The following MDN1 variants were observed in gnomAD, a reference collection of about 807,000 sequenced individuals.
MDN1 encodes the protein midasin.
Under a neutral mutation model 669.2 loss-of-function variants are expected in MDN1, and 266 were observed. The ratio of observed to expected loss-of-function variants is 0.40; its 90% CI spans 0.36 to 0.44. The LOEUF (loss-of-function observed/expected upper bound fraction) is 0.44, where lower values mean the gene tolerates loss of function less well. Ranked by LOEUF, MDN1 falls within the 20% of genes least tolerant of loss-of-function variation. The probability of loss-of-function intolerance (pLI) is 1.00; values close to 1 mark genes in which losing one functional copy is unlikely to be tolerated. For missense variants in MDN1, 5,940 were observed against 6,754.0 expected, an observed-to-expected ratio of 0.88 and a Z score of 4.22; for synonymous variants, 2,385 against 2,457.1, an observed-to-expected ratio of 0.97 and a Z score of 0.87.
In MDN1 at chr6:89,781,520, C is replaced by CAGTAAGTTGGAT. The variant is rs1274622297; in HGVS notation, c.1510_1521dup (p.Ile504_Thr507dup). On this transcript the variant is annotated inframe_insertion, in exon 10 of 102. Coordinates refer to ENST00000369393, the MANE Select transcript of MDN1 (RefSeq NM_014611.3). Reference sequence around the variant, plus strand: ...TCACTCCAAGAGTGATGTTTCTCTCCAGTAAGTTGGATATAAATGTCAAGC... The same window carrying CAGTAAGTTGGAT: ...TCACTCCAAGAGTGATGTTTCTCTCCAGTAAGTTGGATAGTAAGTTGGATATAAATGTCAAGC... The CAGTAAGTTGGAT allele has an allele frequency of 6.2e-7, 1 of 1,613,774 alleles. No individual in the cohort carries two copies. Among genetic ancestry groups the CAGTAAGTTGGAT allele is most frequent in the Admixed American group, 1.7e-5 (1 of 59,996 alleles).
chr6:89,702,172 C>A, intron 53 of MDN1, 111 bp from the exon 54 acceptor site: 1 of 1,057,158 alleles, frequency 9.5e-7, no homozygotes. Flanking sequence ...GGAAAAGACA[C>A]ACAACATAGG....
Position 89,790,257 on chromosome 6 carries a change from C to G in MDN1, c.1000G>C (p.Gly334Arg). The change falls in exon 6 of 102, where the codon GGC (glycine) becomes CGC (arginine). Residue 334 changes from glycine (G) to arginine (R), a missense_variant. Gly to Arg is a moderately radical substitution (Grantham distance 125). Around this residue, in one of 5 missense-constraint regions of MDN1, gnomAD observed 1,203 missense variants for 1,268.9 expected, o/e 0.95. Transcript: ENST00000369393. ...AAATATTCAACTAAGGAAGTTTTGC[C>G]ACATCCTATTGGTCCTTCCAACAAC... is the stretch of plus-strand genomic sequence containing the variant. ...AVLLEGPIGC[G>R]KTSLVEYLAA... The G allele has an allele frequency of 6.2e-7, 1 of 1,614,094 alleles. No individual in the cohort carries two copies. Among genetic ancestry groups the G allele is most frequent in the Non-Finnish European group, 8.5e-7 (1 of 1,180,012 alleles).
At chr6:89,654,469 TG>T in intron 92 of MDN1, 135 bp from the exon 93 acceptor site, 1 of 1,140,952 alleles carries the variant, frequency 8.8e-7, no homozygotes, top group Non-Finnish European at 1.3e-6. Context: ...ACCAGCTATG[TG>T]GCTTGGAGAC....
intron 19 of MDN1, among the ~76,000 whole-genome samples, chr6:89,757,756 A>C (rs759144474): frequency 1.3e-5 from 2 of 152,010 alleles, no homozygotes; most frequent in Non-Finnish European, 2.9e-5. Context: ...AAAAATACAA[A>C]AACTTGAGGC....
chr6:89,651,152 C>CA lies in MDN1; in HGVS notation c.15916-306dup, dbSNP rs1472652093. Among the ~76,000 whole-genome samples the CA allele has an allele frequency of 6.5e-3, 665 of 102,264 alleles. 1 individual carries two copies. Among genetic ancestry groups the CA allele is most frequent in the African/African-American group, 0.015 (394 of 27,012 alleles). The allele number at this position is 102,264 out of a possible 152,430, so 67.1% of individuals were successfully genotyped here. A position where few individuals can be genotyped will look rare whatever the true frequency, so the allele number is the denominator to read the frequency against. On this transcript the variant is annotated intron_variant, in intron 95 of 101. Coordinates refer to ENST00000369393, the MANE Select transcript of MDN1 (RefSeq NM_014611.3). ...CCGACATGGTGAAACCCTGTCTCTA[C>CA]AAAAAAAAAAAAAATACAGAAAATT...
chr6:89,692,753 A>T lies in MDN1; in HGVS notation c.10277T>A (p.Met3426Lys). ...GGTCCCCAGCCTGTCTGCACCAACC[A>T]TACTGCTGTGGAGTGAGGTGTGGAG... ...SELHTSLHSSMVGADRLGTLA... is the reference protein window; with the variant it reads ...SELHTSLHSSKVGADRLGTLA... The change falls in exon 63 of 102, where the codon ATG becomes AAG. Residue 3426 changes from methionine to lysine, a missense_variant. Physicochemically the swap from Met to Lys is moderately conservative, Grantham distance 95. Transcript: ENST00000369393. 1 of 1,614,008 alleles carries T rather than the reference A, an allele frequency of 6.2e-7. No individual in the cohort carries two copies. The highest frequency in any genetic ancestry group is 8.5e-7 in the Non-Finnish European group (1 of 1,179,906).
Position 89,689,948 on chromosome 6 carries a change from C to T in MDN1, c.10945G>A (p.Ala3649Thr), listed in dbSNP as rs1357472889. 13 of 1,614,108 alleles carry T rather than the reference C, an allele frequency of 8.1e-6. 1 individual carries two copies. Among genetic ancestry groups the T allele is most frequent in the Middle Eastern group, 1.6e-4 (1 of 6,084 alleles). Residue 3649 changes from alanine (A) to threonine (T), a missense_variant, in exon 65 of 102, where the codon GCA becomes ACA. By Grantham distance (58) the Ala-to-Thr change is moderately conservative. Around this residue, in one of 5 missense-constraint regions of MDN1, gnomAD observed 2,280 missense variants for 2,576.3 expected, o/e 0.88. Coordinates refer to ENST00000369393, the MANE Select transcript of MDN1 (RefSeq NM_014611.3). ...WYQQTLPPHE[A>T]KHYLSLFLSC... ...AGAAACAGGCTGAGGTAATGCTTTG[C>T]TTCATGTGGCGGCAGAGTCTGTTGA...
rs369588019 is a variant in MDN1 at position 89,688,547 on chromosome 6, C to T, written c.11259+26G>A. The stretch of plus-strand genomic sequence containing the variant: ...CTCATTGCAGACTCAGTACTGTGAG[C>T]ACTCCTTCCTCAACAGCTGCCCTAC... On this transcript the variant is annotated intron_variant, in intron 66 of 101. Transcript: ENST00000369393. The T allele has an allele frequency of 6.9e-6, 11 of 1,596,496 alleles. No homozygotes were observed. In the African/African-American group the frequency reaches 1.3e-4, roughly 19 times the overall value.
At chr6:89,725,932 C>CACAT (rs1178488798) in intron 37 of MDN1, among the ~76,000 whole-genome samples, 5 of 9,522 alleles carry the variant, frequency 5.3e-4, no homozygotes, top group Non-Finnish European at 6.1e-4. Context: ...GTATTTTATA[C>CACAT]ACACACACAC....
chr6:89,643,991 C>T lies in MDN1; in HGVS notation c.*14G>A, dbSNP rs1808315451. On this transcript the variant is annotated 3_prime_UTR_variant, in exon 102 of 102. Transcript: ENST00000369393. ...GACCACAGTTAAGTCTCACTTTGGA[C>T]TCTTCTTTCTGTTCTATGGGTGGTC... The T allele has an allele frequency of 3.8e-6, 6 of 1,588,572 alleles. No individual in the cohort carries two copies. The Admixed American group carries it at 8.9e-5, about 23-fold the overall frequency.
intron 11 of MDN1, among the ~76,000 whole-genome samples, chr6:89,777,661 T>C (rs1292192047): frequency 2.0e-5 from 3 of 152,214 alleles, no homozygotes; most frequent in Admixed American, 2.0e-4. Context: ...GCTGCTCCTA[T>C]AGATAACACC....
intron 44 of MDN1, 23 bp from the exon 45 acceptor site, chr6:89,715,792 G>A (rs745888088): frequency 1.4e-6 from 2 of 1,476,236 alleles, no homozygotes; most frequent in Non-Finnish European, 1.9e-6. Flanking sequence ...AATTCAGATG[G>A]TGGATAGGCT....
In MDN1 at chr6:89,670,994, C is replaced by T; in HGVS notation, c.13881G>A (p.Met4627Ile). The change falls in exon 83 of 102, where the codon ATG becomes ATA. Residue 4627 changes from methionine to isoleucine, a missense_variant. This residue lies in a region of MDN1 where 2,280 missense variants were observed against 2,576.3 expected (regional missense o/e 0.88). Transcript: ENST00000369393. ...YSDLVLFFLT[M>I]SLATHRSTAK... ...CAGTACTACGGTGAGTTGCTAAAGA[C>T]ATGGTCAGGAAGAAGAGGACGAGGT... is the stretch of plus-strand genomic sequence containing the variant. 1 of 1,614,146 alleles carries T rather than the reference C, an allele frequency of 6.2e-7. No individual in the cohort carries two copies. Among genetic ancestry groups the T allele is most frequent in the South Asian group, 1.1e-5 (1 of 91,072 alleles).
At chr6:89,760,536 T>C (rs1341448915) in intron 17 of MDN1, among the ~76,000 whole-genome samples, 1 of 152,072 alleles carries the variant, frequency 6.6e-6, no homozygotes, top group African/African-American at 2.4e-5. Flanking sequence ...CCCCTGTTCA[T>C]TGCACCACTA....
intron 17 of MDN1, 76 bp from the exon 18 acceptor site, chr6:89,759,036 G>T: frequency 2.1e-6 from 3 of 1,443,926 alleles, no homozygotes; most frequent in Admixed American, 1.8e-5. Context: ...ATGCAAGCAG[G>T]GTTAGAAATA....
At chr6:89,737,022 A>G (rs1429413762) in intron 33 of MDN1, among the ~76,000 whole-genome samples, 1 of 152,168 alleles carries the variant, frequency 6.6e-6, no homozygotes, top group South Asian at 2.1e-4. Flanking sequence ...CTGCACTTCA[A>G]CAAGCCCTCC....
chr6:89,746,065 A>C (rs1312209891), intron 27 of MDN1, among the ~76,000 whole-genome samples: 1 of 152,194 alleles, frequency 6.6e-6, no homozygotes, highest in South Asian at 2.1e-4. Context: ...CCAGAACCCA[A>C]AAAGTACATA....
At position 89,756,361 on chromosome 6, in the gene MDN1, T is replaced by C; in HGVS notation, c.2732A>G (p.Glu911Gly). The C allele has an allele frequency of 6.3e-7, 1 of 1,589,358 alleles. No individual in the cohort carries two copies. Among genetic ancestry groups the C allele is most frequent in the African/African-American group, 1.3e-5 (1 of 74,154 alleles). ...AAGAACCTGTAAGTCTTCTTTGCTT[T>C]CTAATTCTTCTACATAAAGTTCTGT... ...RFTELYVEEL[E>G]SKEDLQVLIV... The change falls in exon 20 of 102, where the codon GAA becomes GGA. Residue 911 changes from glutamate (E) to glycine (G), a missense_variant. Around this residue, in one of 5 missense-constraint regions of MDN1, gnomAD observed 1,203 missense variants for 1,268.9 expected, o/e 0.95. Coordinates refer to ENST00000369393, the MANE Select transcript of MDN1 (RefSeq NM_014611.3).
At position 89,794,645 on chromosome 6, in the gene MDN1, C is replaced by T. The variant is rs547800415; in HGVS notation, c.486G>A (p.Val162=). 3 of 1,614,112 alleles carry T rather than the reference C, an allele frequency of 1.9e-6. No homozygotes were observed. The highest frequency in any genetic ancestry group is 1.3e-5 in the African/African-American group (1 of 75,060). The part of the protein sequence containing the change: ...AFKFLQQEQS[V]FRELWDWSVC... ...CACTCCAGTCCCAGAGCTCCCGGAACACAGACTGCTCCTGCTGCAGAAACT... is the reference window on the plus strand; with the variant it reads ...CACTCCAGTCCCAGAGCTCCCGGAATACAGACTGCTCCTGCTGCAGAAACT... The change falls in exon 3 of 102, where the codon GTG becomes GTA. Residue 162 remains valine, a synonymous_variant. Coordinates refer to ENST00000369393, the MANE Select transcript of MDN1 (RefSeq NM_014611.3).
Sources: allele counts gnomAD v4.1 joint callset (sites outside exome capture counted in the v4.1 genomes callset), GRCh38; gene constraint gnomAD v4.1.1; regional missense constraint gnomAD v4.1.1; transcripts MANE v1.5; gene names NCBI Gene and HGNC (gene_info 2026-07-23, HGNC 2026-07-21).